FAM163A: variants seen among roughly 807,000 people sequenced by gnomAD.
FAM163A encodes the protein family with sequence similarity 163 member A.
FAM163A carries 7 observed loss-of-function variants against 12.0 expected under a neutral mutation model. The observed-to-expected ratio is 0.58, with a 90% CI of 0.33 to 1.10. The LOEUF (loss-of-function observed/expected upper bound fraction) is 1.10. Ranked by LOEUF, FAM163A falls within the 50% of genes least tolerant of loss-of-function variation. FAM163A has a pLI of 0.03. For synonymous variants in FAM163A, 101 were observed against 91.0 expected, an observed-to-expected ratio of 1.11 and a Z score of -0.62; for missense variants, 202 against 218.6, an observed-to-expected ratio of 0.92 and a Z score of 0.48.
intron 1 of FAM163A, among the ~76,000 whole-genome samples, chr1:179,794,324 C>T (rs1691958507): frequency 6.6e-6 from 1 of 152,236 alleles, no homozygotes; most frequent in Non-Finnish European, 1.5e-5. Flanking sequence ...GTGTGACTGT[C>T]CTGGTTTATG....
chr1:179,791,529 G>A (rs1407559773), intron 1 of FAM163A, among the ~76,000 whole-genome samples: 1 of 152,048 alleles, frequency 6.6e-6, no homozygotes, highest in East Asian at 1.9e-4. Context: ...CTCCTAAGGG[G>A]TACAGTCTAG....
chr1:179,787,331 C>G (rs1690777171), intron 1 of FAM163A, among the ~76,000 whole-genome samples: 1 of 152,126 alleles, frequency 6.6e-6, no homozygotes, highest in Non-Finnish European at 1.5e-5. Context: ...TCAATGATAG[C>G]TCAAGGTGCC....
At chr1:179,768,610 A>ATT (rs567089668) in intron 1 of FAM163A, among the ~76,000 whole-genome samples, 38 of 144,770 alleles carry the variant, frequency 2.6e-4, no homozygotes, top group African/African-American at 8.8e-4. Context: ...TGGACACTGG[A>ATT]TTTTTTTTTT....
At chr1:179,737,641 G>A in the FAM163A span, among the ~76,000 whole-genome samples, 5 of 152,210 alleles carry the variant, frequency 3.3e-5, no homozygotes, top group South Asian at 4.2e-4. Context: ...CAAGACCATC[G>A]TGGCTAACAC....
the FAM163A span, among the ~76,000 whole-genome samples, chr1:179,732,880 CAAAAAAAAAAAA>C: frequency 1.8e-4 from 7 of 39,148 alleles, no homozygotes; most frequent in African/African-American, 7.1e-4. Context: ...GACTCTGCCT[CAAAAAAAAAAAA>C]AAAAAAAAAA....
chr1:179,805,030 T>C (rs1148825), intron 1 of FAM163A, among the ~76,000 whole-genome samples: 62,043 of 152,058 alleles, frequency 0.41, 13,570 homozygotes, highest in African/African-American at 0.55. Context: ...AAGCACTTTG[T>C]GTGATTTATG....
chr1:179,809,729 T>C (rs558607364), intron 2 of FAM163A, among the ~76,000 whole-genome samples: 2 of 152,288 alleles, frequency 1.3e-5, no homozygotes, highest in African/African-American at 4.8e-5. Flanking sequence ...GTGGGGTGGA[T>C]CACTGCTGCC....
chr1:179,790,839 G>T (rs1691370838), intron 1 of FAM163A, among the ~76,000 whole-genome samples: 1 of 152,164 alleles, frequency 6.6e-6, no homozygotes, highest in Non-Finnish European at 1.5e-5. Context: ...ACACAGAAGA[G>T]ACTAAGTAGA....
At chr1:179,733,141 C>T in the FAM163A span, among the ~76,000 whole-genome samples, 2 of 152,086 alleles carry the variant, frequency 1.3e-5, no homozygotes, top group South Asian at 2.1e-4. Flanking sequence ...TCTCACTATG[C>T]TTAGGGCATG....
At chr1:179,733,215 A>G in the FAM163A span, among the ~76,000 whole-genome samples, 2 of 146,060 alleles carry the variant, frequency 1.4e-5, no homozygotes, top group African/African-American at 2.5e-5. Flanking sequence ...CCTTTTTGCA[A>G]CTGAGGTACT....
At chr1:179,765,969 C>A (rs2148074532) in intron 1 of FAM163A, among the ~76,000 whole-genome samples, 1 of 152,282 alleles carries the variant, frequency 6.6e-6, no homozygotes, top group Middle Eastern at 3.4e-3. Flanking sequence ...CTTTCTCAGC[C>A]ACCTTGGAAG....
rs148001534 is a variant in FAM163A, at chr1:179,748,755, G to A, written c.-136+5332G>A. ...GTGATTTTTGAACTGGGCCTTGAAG[G>A]TAAAGTAGTGATTTTGATACATAAG... On this transcript the variant is annotated intron_variant, in intron 1 of 4. Coordinates refer to ENST00000341785, the MANE Select transcript of FAM163A (RefSeq NM_173509.3). Among the ~76,000 whole-genome samples, 38 of 152,296 alleles carry A rather than the reference G, an allele frequency of 2.5e-4. No homozygotes were observed. The East Asian group carries it at 7.1e-3, about 29-fold the overall frequency.
chr1:179,798,670 G>A (rs894931261), intron 1 of FAM163A, among the ~76,000 whole-genome samples: 1 of 152,150 alleles, frequency 6.6e-6, no homozygotes, highest in East Asian at 1.9e-4. Flanking sequence ...CCTTAGTCTG[G>A]CCCAGTCAGA....
chr1:179,790,952 C>T (rs138127889), intron 1 of FAM163A, among the ~76,000 whole-genome samples: 269 of 152,166 alleles, frequency 1.8e-3, no homozygotes, highest in African/African-American at 5.4e-3. Flanking sequence ...GAACAGAACA[C>T]GAAAGGAAAC....
At chr1:179,784,167 A>G (rs2148201720) in intron 1 of FAM163A, among the ~76,000 whole-genome samples, 1 of 152,290 alleles carries the variant, frequency 6.6e-6, no homozygotes, top group South Asian at 2.1e-4. Flanking sequence ...ATTGATAACA[A>G]ATCTGCCCTC....
intron 1 of FAM163A, among the ~76,000 whole-genome samples, chr1:179,793,550 A>G (rs899456180): frequency 4.6e-5 from 7 of 152,218 alleles, no homozygotes; most frequent in Admixed American, 1.3e-4. Context: ...ATTAGGGGGC[A>G]GTGAAACCCC....
intron 1 of FAM163A, among the ~76,000 whole-genome samples, chr1:179,772,318 C>T (rs1688389075): frequency 6.6e-6 from 1 of 152,196 alleles, no homozygotes; most frequent in Non-Finnish European, 1.5e-5. Context: ...CCAACCCTCA[C>T]CCTTGGTTTA....
At chr1:179,770,787 C>T (rs1688172878) in intron 1 of FAM163A, among the ~76,000 whole-genome samples, 2 of 146,326 alleles carry the variant, frequency 1.4e-5, no homozygotes, top group Non-Finnish European at 3.0e-5. Flanking sequence ...GGTGTTCCTT[C>T]TCTGTGCTCA....
the FAM163A span, among the ~76,000 whole-genome samples, chr1:179,732,016 G>C: frequency 1.4e-4 from 21 of 152,146 alleles, no homozygotes; most frequent in Non-Finnish European, 2.9e-4. Context: ...ACAGAAGGTC[G>C]CAACCATGTG....
Sources: allele counts gnomAD v4.1 joint callset (sites outside exome capture counted in the v4.1 genomes callset), GRCh38; gene constraint gnomAD v4.1.1; transcripts MANE v1.5; gene names NCBI Gene and HGNC (gene_info 2026-07-23, HGNC 2026-07-21).